LRRC53: variants seen among roughly 807,000 people sequenced by gnomAD.
LRRC53 encodes leucine-rich repeat-containing protein 53.
Under a neutral mutation model 13.6 loss-of-function variants are expected in LRRC53, and 25 were observed. That is an observed-to-expected ratio of 1.83 (90% confidence interval 1.34 to 2.56). LRRC53 has a LOEUF of 2.56. Among genes scored for constraint, LRRC53 ranks in the 30% most tolerant of loss-of-function variants. The probability of loss-of-function intolerance (pLI) is 0.00; values close to 1 mark genes in which losing one functional copy is unlikely to be tolerated. For synonymous variants in LRRC53, 204 were observed against 109.8 expected, an observed-to-expected ratio of 1.86 and a Z score of -5.37; for missense variants, 527 against 275.8, an observed-to-expected ratio of 1.91 and a Z score of -6.45.
chr1:74,482,009 C>T (rs1289651160), intron 2 of LRRC53, among the ~76,000 whole-genome samples: 2 of 152,324 alleles, frequency 1.3e-5, no homozygotes, highest in Admixed American at 1.3e-4. Context: ...GAACTGTTCT[C>T]ATCCCTGCAG....
chr1:74,532,232 G>A, the LRRC53 span, among the ~76,000 whole-genome samples: 31 of 152,272 alleles, frequency 2.0e-4, no homozygotes, highest in Admixed American at 9.2e-4. Flanking sequence ...GTAACAGCAA[G>A]CAATTGTTGG....
intron 1 of LRRC53, among the ~76,000 whole-genome samples, chr1:74,496,438 A>G (rs998907520): frequency 3.3e-5 from 5 of 152,136 alleles, no homozygotes; most frequent in Admixed American, 2.6e-4. Context: ...AAATCAGTAC[A>G]AGGTTTTTCC....
chr1:74,533,155 C>T, the LRRC53 span, among the ~76,000 whole-genome samples: 2 of 152,144 alleles, frequency 1.3e-5, no homozygotes, highest in African/African-American at 4.8e-5. Flanking sequence ...AAAATTTTCG[C>T]AACCTACTCA....
At chr1:74,512,939 G>A (rs1373506246), upstream of LRRC53, among the ~76,000 whole-genome samples, 1 of 152,144 alleles carries the variant, frequency 6.6e-6, no homozygotes, top group Non-Finnish European at 1.5e-5. Flanking sequence ...TCCCTCATCC[G>A]GGTAAATGGC....
chr1:74,535,693 A>C, the LRRC53 span, among the ~76,000 whole-genome samples: 2 of 152,142 alleles, frequency 1.3e-5, no homozygotes, highest in Non-Finnish European at 2.9e-5. Context: ...TAGGAAATGC[A>C]GCATTTTGTT....
chr1:74,475,232 G>A (rs1169654058), intron 4 of LRRC53, 63 bp downstream of exon 4: 3 of 610,820 alleles, frequency 4.9e-6, no homozygotes, highest in East Asian at 5.5e-5. Context: ...ATTAAAGGAG[G>A]GAGGCTCCCT....
chr1:74,489,228 G>T (rs1035914333), intron 1 of LRRC53: 1 of 1,612,298 alleles, frequency 6.2e-7, no homozygotes, highest in South Asian at 1.1e-5. Flanking sequence ...GAAGTTAGAA[G>T]AGTGTCTCTG....
At chr1:74,479,152 C>G (rs1202817645) in intron 3 of LRRC53, among the ~76,000 whole-genome samples, 2 of 152,170 alleles carry the variant, frequency 1.3e-5, no homozygotes, top group Non-Finnish European at 2.9e-5. Context: ...TGGTCTCTCT[C>G]TCTTTCTCTC....
the LRRC53 span, among the ~76,000 whole-genome samples, chr1:74,518,953 A>G: frequency 2.8e-5 from 3 of 108,426 alleles, no homozygotes; most frequent in Non-Finnish European, 5.0e-5. Flanking sequence ...ACATATGTAT[A>G]CATGTGCCAT....
intron 4 of LRRC53, among the ~76,000 whole-genome samples, chr1:74,472,427 T>A (rs182785087): frequency 1.5e-3 from 229 of 152,330 alleles, no homozygotes; most frequent in South Asian, 2.9e-3. Flanking sequence ...CGATGCTGAC[T>A]TAAAAGTTGT....
the LRRC53 span, among the ~76,000 whole-genome samples, chr1:74,519,029 C>T: frequency 9.3e-6 from 1 of 106,988 alleles, no homozygotes; most frequent in East Asian, 2.7e-4. Context: ...CTATCCCTTC[C>T]CCCTCCCCCG....
At chr1:74,516,811 G>A (rs906362534), upstream of LRRC53, among the ~76,000 whole-genome samples, 27 of 152,170 alleles carry the variant, frequency 1.8e-4, 1 homozygote, top group East Asian at 1.2e-3. Flanking sequence ...AACAAGTTAA[G>A]GCAGCTTACT....
chr1:74,479,297 C>T (rs2100248051), intron 3 of LRRC53, among the ~76,000 whole-genome samples: 1 of 152,258 alleles, frequency 6.6e-6, no homozygotes, highest in Non-Finnish European at 1.5e-5. Context: ...ACTAATGACA[C>T]TAAGTGTCAT....
chr1:74,508,978 A>C (rs1037941900), intron 1 of LRRC53, among the ~76,000 whole-genome samples: 3 of 152,186 alleles, frequency 2.0e-5, no homozygotes, highest in African/African-American at 7.2e-5. Flanking sequence ...CTAAAGATAA[A>C]TGTCCCTATT....
chr1:74,507,225 C>CA (rs980982672), intron 1 of LRRC53, among the ~76,000 whole-genome samples: 9 of 124,240 alleles, frequency 7.2e-5, no homozygotes, highest in South Asian at 3.0e-4. Flanking sequence ...ATTTCTTCAC[C>CA]CCCCCCCCAT....
At chr1:74,528,920 C>A in the LRRC53 span, among the ~76,000 whole-genome samples, 1 of 152,096 alleles carries the variant, frequency 6.6e-6, no homozygotes, top group South Asian at 2.1e-4. Context: ...AGAAAATAAG[C>A]CTGAAACATC....
chr1:74,517,465 A>C (rs1366101688), upstream of LRRC53, among the ~76,000 whole-genome samples: 1 of 152,238 alleles, frequency 6.6e-6, no homozygotes, highest in African/African-American at 2.4e-5. Context: ...CAGGCTGGAC[A>C]GGAAATGGTA....
Position 74,470,603 on chromosome 1 carries a change from A to G in LRRC53, c.3019T>C (p.Ser1007Pro). ...TTGGATTGTGTTTGGGGAATGAGAG[A>G]GGAATCATAAGTTTCTGTTTTTGAA... ...KLSKTETYDS[S>P]LIPQTQSKNN... The change falls in exon 5 of 5, where the codon TCT becomes CCT. Residue 1007 changes from serine to proline, a missense_variant. Transcript: ENST00000294635. The G allele has an allele frequency of 2.5e-6, 1 of 400,722 alleles. No individual in the cohort carries two copies. Among genetic ancestry groups the G allele is most frequent in the Non-Finnish European group, 4.4e-6 (1 of 226,188 alleles). 24.8% of individuals were successfully genotyped at this position (400,722 alleles called of 1,614,324 possible). A position where few individuals can be genotyped will look rare whatever the true frequency, so the allele number is the denominator to read the frequency against.
intron 1 of LRRC53, among the ~76,000 whole-genome samples, chr1:74,511,531 C>G (rs1175686088): frequency 4.6e-5 from 7 of 152,132 alleles, no homozygotes; most frequent in African/African-American, 1.4e-4. Flanking sequence ...TTACGCTAGC[C>G]TCTTCACTGA....
Sources: allele counts gnomAD v4.1 joint callset (sites outside exome capture counted in the v4.1 genomes callset), GRCh38; gene constraint gnomAD v4.1.1; transcripts MANE v1.5; gene names NCBI Gene and HGNC (gene_info 2026-07-23, HGNC 2026-07-21).